The following NAALADL2 variants were observed in gnomAD, a reference collection of about 807,000 sequenced individuals.
The protein encoded by NAALADL2 is inactive N-acetylated-alpha-linked acidic dipeptidase-like protein 2.
In NAALADL2, 76 loss-of-function variants were observed where a neutral mutation model predicts 87.2. The observed-to-expected ratio is 0.87, with a 90% CI of 0.72 to 1.05. NAALADL2 has a LOEUF of 1.05. Among genes scored for constraint, NAALADL2 ranks in the 50% least tolerant of loss-of-function variants. The pLI, the probability that NAALADL2 is intolerant of heterozygous loss-of-function variation, is 0.00. For synonymous variants in NAALADL2, 354 were observed against 331.0 expected, an observed-to-expected ratio of 1.07 and a Z score of -0.75; for missense variants, 1,089 against 945.8, an observed-to-expected ratio of 1.15 and a Z score of -1.99.
intron 2 of NAALADL2, among the ~76,000 whole-genome samples, chr3:175,134,193 G>A (rs775187579): frequency 5.3e-5 from 8 of 152,138 alleles, no homozygotes; most frequent in Non-Finnish European, 1.5e-5. Context: ...CTTGTAATAT[G>A]TGCTCAAGTG....
intron 12 of NAALADL2, among the ~76,000 whole-genome samples, chr3:175,738,855 A>G (rs1744873179): frequency 6.6e-6 from 1 of 152,200 alleles, no homozygotes; most frequent in African/African-American, 2.4e-5. Flanking sequence ...ACTTTGCAAA[A>G]TAAGAACAAA....
At chr3:175,284,892 G>A (rs1026883872) in intron 4 of NAALADL2, among the ~76,000 whole-genome samples, 1 of 151,982 alleles carries the variant, frequency 6.6e-6, no homozygotes, top group Non-Finnish European at 1.5e-5. Flanking sequence ...CTGGCTGCCA[G>A]TCTAACTCCA....
chr3:175,164,806 A>G (rs1444501187), intron 2 of NAALADL2, among the ~76,000 whole-genome samples: 2 of 152,160 alleles, frequency 1.3e-5, no homozygotes, highest in Admixed American at 6.6e-5. Flanking sequence ...GAAAACCACA[A>G]TAAGCATTCT....
intron 1 of NAALADL2, among the ~76,000 whole-genome samples, chr3:175,021,774 T>A (rs1751589374): frequency 6.6e-6 from 1 of 152,146 alleles, no homozygotes; most frequent in Non-Finnish European, 1.5e-5. Flanking sequence ...AGCATTGTTT[T>A]CTAATTGATA....
rs752520586 is a variant in NAALADL2, at chr3:174,932,106, C to T, written c.43+72656C>T. 2.6e-5 allele frequency among the ~76,000 whole-genome samples: 4 copies of T among 152,152 alleles called. No individual in the cohort carries two copies. In the South Asian group the frequency reaches 6.2e-4, roughly 24 times the overall value. On this transcript the variant is annotated intron_variant, in intron 1 of 13. Transcript: ENST00000454872. ...CACTCTAAAGACATGAAGTTATTGT[C>T]ATAATGTTGACCCCTGATGGAGGCA...
chr3:174,901,962 G>A (rs1330836428), intron 1 of NAALADL2, among the ~76,000 whole-genome samples: 2 of 152,138 alleles, frequency 1.3e-5, no homozygotes, highest in Non-Finnish European at 2.9e-5. Context: ...GAAAAGGTGT[G>A]GCTATCTGAG....
intron 3 of NAALADL2, among the ~76,000 whole-genome samples, chr3:174,769,837 T>C (rs1240877329): frequency 6.6e-6 from 1 of 151,898 alleles, no homozygotes; most frequent in Non-Finnish European, 1.5e-5. Context: ...ACAATGTTTA[T>C]ACCAGATCTA....
chr3:174,525,901 A>C (rs1414402171), intron 1 of NAALADL2, among the ~76,000 whole-genome samples: 1 of 152,152 alleles, frequency 6.6e-6, no homozygotes, highest in Non-Finnish European at 1.5e-5. Flanking sequence ...TCCCCATAAT[A>C]ATGGGGGAGC....
intron 1 of NAALADL2, among the ~76,000 whole-genome samples, chr3:174,931,399 A>G (rs994244490): frequency 5.3e-5 from 8 of 152,152 alleles, no homozygotes; most frequent in African/African-American, 1.9e-4. Flanking sequence ...TTCCAAACAT[A>G]AGATGGGAAC....
intron 11 of NAALADL2, among the ~76,000 whole-genome samples, chr3:175,652,672 G>A (rs1409956983): frequency 5.9e-5 from 9 of 151,828 alleles, no homozygotes; most frequent in African/African-American, 2.2e-4. Context: ...TAGAAACGGG[G>A]TTTCACCATG....
chr3:175,190,148 AATAT>A (rs57688984), intron 2 of NAALADL2, among the ~76,000 whole-genome samples: 1 of 149,200 alleles, frequency 6.7e-6, no homozygotes, highest in African/African-American at 2.5e-5. Flanking sequence ...TGGCCTTGGC[AATAT>A]ATATATATAT....
At chr3:175,388,330 T>C (rs1768650722) in intron 5 of NAALADL2, among the ~76,000 whole-genome samples, 1 of 152,130 alleles carries the variant, frequency 6.6e-6, no homozygotes, top group East Asian at 1.9e-4. Flanking sequence ...GAGTCTCAAA[T>C]ATATCTCCTG....
At chr3:175,756,531 A>G (rs1747282628) in intron 13 of NAALADL2, among the ~76,000 whole-genome samples, 1 of 152,304 alleles carries the variant, frequency 6.6e-6, no homozygotes, top group East Asian at 1.9e-4. Context: ...AGCAGCATGG[A>G]TAGAGCTGGA....
chr3:175,316,752 A>G (rs1314910214), intron 4 of NAALADL2, among the ~76,000 whole-genome samples: 1 of 152,174 alleles, frequency 6.6e-6, no homozygotes, highest in African/African-American at 2.4e-5. Context: ...TTTTTTCTGA[A>G]CATTTTAGAC....
intron 2 of NAALADL2, among the ~76,000 whole-genome samples, chr3:174,660,705 C>A (rs905351142): frequency 6.6e-6 from 1 of 151,926 alleles, no homozygotes; most frequent in East Asian, 1.9e-4. Context: ...CTGGGAAGTT[C>A]TTTTTGAAAA....
chr3:175,332,378 C>G (rs533372425), intron 5 of NAALADL2, among the ~76,000 whole-genome samples: 1 of 152,132 alleles, frequency 6.6e-6, no homozygotes, highest in African/African-American at 2.4e-5. Flanking sequence ...AACAGAAACA[C>G]TACAGTTCAA....
intron 5 of NAALADL2, among the ~76,000 whole-genome samples, chr3:175,362,153 G>A (rs140687416): frequency 0.044 from 6,519 of 147,888 alleles, 765 homozygotes; most frequent in Non-Finnish European, 0.067. Context: ...TTTTTGTCAG[G>A]TTTGTCAAAG....
At chr3:175,485,916 TG>T in intron 9 of NAALADL2, among the ~76,000 whole-genome samples, 1 of 152,308 alleles carries the variant, frequency 6.6e-6, no homozygotes, top group South Asian at 2.1e-4. Flanking sequence ...CTTTGTTCTC[TG>T]CCATGTGAGG....
At chr3:174,983,584 A>G (rs553292796) in intron 1 of NAALADL2, among the ~76,000 whole-genome samples, 1 of 152,082 alleles carries the variant, frequency 6.6e-6, no homozygotes, top group Non-Finnish European at 1.5e-5. Context: ...TGCTTCATAG[A>G]TGGGGCCCTC....
Sources: allele counts gnomAD v4.1 joint callset (sites outside exome capture counted in the v4.1 genomes callset), GRCh38; gene constraint gnomAD v4.1.1; transcripts MANE v1.5; gene names NCBI Gene and HGNC (gene_info 2026-07-23, HGNC 2026-07-21).